The following ATRNL1 variants were observed in gnomAD, a reference collection of about 807,000 sequenced individuals.
The protein encoded by ATRNL1 is attractin-like protein 1.
A neutral mutation model predicts 182.7 loss-of-function variants in ATRNL1; 95 were observed. That is an observed-to-expected ratio of 0.52 (90% CI 0.44 to 0.62). The LOEUF is 0.62. Among genes scored for constraint, ATRNL1 ranks in the 20% least tolerant of loss-of-function variants. The pLI is 0.00. For synonymous variants in ATRNL1, 576 were observed against 568.3 expected, an observed-to-expected ratio of 1.01 and a Z score of -0.19; for missense variants, 1,471 against 1,679.5, an observed-to-expected ratio of 0.88 and a Z score of 2.17.
At chr10:115,324,066 C>G (rs183029175) in intron 18 of ATRNL1, among the ~76,000 whole-genome samples, 1 of 152,294 alleles carries the variant, frequency 6.6e-6, no homozygotes, top group East Asian at 1.9e-4. Context: ...TGTGAGCCAC[C>G]GCGTCTGACC....
intron 26 of ATRNL1, among the ~76,000 whole-genome samples, chr10:115,683,905 C>T (rs1331296678): frequency 2.0e-5 from 3 of 151,616 alleles, no homozygotes; most frequent in African/African-American, 7.2e-5. Context: ...AGAGACATAG[C>T]AAATAAATAA....
At chr10:115,340,420 G>A (rs1164764507) in intron 19 of ATRNL1, among the ~76,000 whole-genome samples, 1 of 151,058 alleles carries the variant, frequency 6.6e-6, no homozygotes, top group Non-Finnish European at 1.5e-5. Flanking sequence ...GGATTACAGG[G>A]GTGAGCCACC....
chr10:115,215,273 TA>T (rs1277010805), intron 8 of ATRNL1, among the ~76,000 whole-genome samples: 1 of 152,190 alleles, frequency 6.6e-6, no homozygotes, highest in Non-Finnish European at 1.5e-5. Context: ...AGCACAGTAC[TA>T]AAAATGTGTT....
intron 26 of ATRNL1, among the ~76,000 whole-genome samples, chr10:115,713,686 TATCTATCTATCTATCTATC>T (rs1396800568): frequency 1.1e-4 from 12 of 111,386 alleles, no homozygotes; most frequent in Admixed American, 7.8e-4. Context: ...TCTATCTATC[TATCTATCTATCTATCTATC>T]ATCTATCTAT....
chr10:115,489,244 C>T (rs941849854), intron 24 of ATRNL1, among the ~76,000 whole-genome samples: 9 of 152,154 alleles, frequency 5.9e-5, no homozygotes, highest in African/African-American at 2.2e-4. Context: ...ATTAGGTCCA[C>T]TTGGTCCAGA....
chr10:115,555,092 C>T (rs782679482), intron 26 of ATRNL1, among the ~76,000 whole-genome samples: 1 of 151,660 alleles, frequency 6.6e-6, no homozygotes, highest in African/African-American at 2.4e-5. Context: ...ACCAAGTGTT[C>T]TGTATTCTTA....
chr10:115,837,146 G>C (rs1337814392), intron 27 of ATRNL1, among the ~76,000 whole-genome samples: 2 of 152,142 alleles, frequency 1.3e-5, no homozygotes, highest in African/African-American at 2.4e-5. Context: ...AAAGCAACAT[G>C]ATGTGGTAGT....
At chr10:115,117,130 A>G (rs1844521860) in intron 1 of ATRNL1, among the ~76,000 whole-genome samples, 1 of 152,042 alleles carries the variant, frequency 6.6e-6, no homozygotes, top group Non-Finnish European at 1.5e-5. Flanking sequence ...ATTTTGATAC[A>G]GTCATGCAAT....
intron 26 of ATRNL1, among the ~76,000 whole-genome samples, chr10:115,711,517 C>T (rs1947063425): frequency 6.6e-6 from 1 of 152,174 alleles, no homozygotes; most frequent in Admixed American, 6.6e-5. Flanking sequence ...TCTAACTTTG[C>T]CTTGCATCTG....
chr10:115,451,469 T>C (rs1458641492), intron 21 of ATRNL1, among the ~76,000 whole-genome samples: 1 of 151,806 alleles, frequency 6.6e-6, no homozygotes, highest in East Asian at 1.9e-4. Context: ...ACAGAAACTT[T>C]CAAAAAAAGA....
At chr10:115,266,748 A>G in intron 11 of ATRNL1, 49 bp from the exon 12 acceptor site, 3 of 1,086,326 alleles carry the variant, frequency 2.8e-6, no homozygotes, top group Middle Eastern at 5.5e-4. Context: ...ATCAGTAGAT[A>G]GGGACTTTTA....
chr10:115,299,126 A>G (rs184643432), intron 15 of ATRNL1, among the ~76,000 whole-genome samples: 1 of 151,888 alleles, frequency 6.6e-6, no homozygotes, highest in Non-Finnish European at 1.5e-5. Context: ...ATCATTTCAC[A>G]TTGTAATATA....
chr10:115,454,375 C>G (rs1847425312), intron 21 of ATRNL1, among the ~76,000 whole-genome samples: 1 of 151,852 alleles, frequency 6.6e-6, no homozygotes, highest in South Asian at 2.1e-4. Flanking sequence ...ATCGTTTTGA[C>G]TATTTGGGTT....
chr10:115,260,601 G>A (rs976759834), intron 10 of ATRNL1, among the ~76,000 whole-genome samples: 5 of 152,210 alleles, frequency 3.3e-5, no homozygotes, highest in East Asian at 1.9e-4. Context: ...AATGTCAAAC[G>A]AGTAGGAAAA....
rs201244831 is a variant in ATRNL1, at chr10:115,365,436, G to A, written c.3176-29223G>A. 1.1e-4 allele frequency among the ~76,000 whole-genome samples: 17 copies of A among 151,614 alleles called. No homozygotes were observed. In the East Asian group the frequency reaches 2.1e-3, roughly 19 times the overall value. On this transcript the variant is annotated intron_variant, in intron 19 of 28. Transcript: ENST00000355044. ...TTTTTTCTTTATTAGTCTTGCTAGC[G>A]GTCTATGAATTTTGTTGATCCTTTC...
At position 115,353,044 on chromosome 10, in the gene ATRNL1, C is replaced by T. The variant is rs369217223; in HGVS notation, c.3175+18625C>T. 1.3e-3 allele frequency among the ~76,000 whole-genome samples: 195 copies of T among 152,234 alleles called. 3 individuals are homozygous for T. Among genetic ancestry groups the T allele is most frequent in the African/African-American group, 3.9e-3 (164 of 41,524 alleles). On this transcript the variant is annotated intron_variant, in intron 19 of 28. Coordinates refer to ENST00000355044, the MANE Select transcript of ATRNL1 (RefSeq NM_207303.4). The stretch of plus-strand genomic sequence containing the variant: ...ATGAGAAGAATGTATATTTTTCACC[C>T]GTTGAATGAAATGTTCTCTTATTGA...
At chr10:115,197,354 G>A (rs1554891295) in intron 8 of ATRNL1, among the ~76,000 whole-genome samples, 1 of 151,808 alleles carries the variant, frequency 6.6e-6, no homozygotes, top group Non-Finnish European at 1.5e-5. Flanking sequence ...ATCTTTATAT[G>A]GTTTTGTAAT....
At chr10:115,781,578 T>C (rs1949266703) in intron 27 of ATRNL1, among the ~76,000 whole-genome samples, 1 of 152,114 alleles carries the variant, frequency 6.6e-6, no homozygotes, top group Admixed American at 6.6e-5. Context: ...TAAAAGAGTA[T>C]CCTACTTATA....
At position 115,775,082 on chromosome 10, in the gene ATRNL1, A is replaced by T. The variant is rs142272486; in HGVS notation, c.3903+47727A>T. On this transcript the variant is annotated intron_variant, in intron 27 of 28. Transcript: ENST00000355044. ...AATAATAAATCCTGCTTTTGATGAG[A>T]TGTCCATTAAAAAACTTATTTTAAA... Among the ~76,000 whole-genome samples the T allele has an allele frequency of 7.3e-3, 1,107 of 152,288 alleles. 17 individuals carry two copies. Among genetic ancestry groups the T allele is most frequent in the African/African-American group, 0.025 (1,056 of 41,556 alleles).
Sources: gnomAD v4.1 joint callset for allele counts (sites outside exome capture counted in the v4.1 genomes callset) on GRCh38, gnomAD v4.1.1 for gene constraint, MANE v1.5 for transcripts, NCBI Gene and HGNC (gene_info 2026-07-23, HGNC 2026-07-21) for gene names.